LRIT2: variants seen among roughly 807,000 people sequenced by gnomAD.
LRIT2 encodes leucine-rich repeat, immunoglobulin-like domain and transmembrane domain-containing protein 2.
In LRIT2, 23 loss-of-function variants were observed where a neutral mutation model predicts 22.4. The observed-to-expected ratio is 1.03, with a 90% CI of 0.74 to 1.45. The LOEUF (loss-of-function observed/expected upper bound fraction) is 1.45, where lower values mean the gene tolerates loss of function less well. Ranked by LOEUF, LRIT2 falls within the 40% of genes most tolerant of loss-of-function variation. LRIT2 has a pLI of 0.00. For missense variants in LRIT2, 784 were observed against 665.6 expected (o/e 1.18, Z -1.96); for synonymous variants, 291 against 267.1 (o/e 1.09, Z -0.87).
At chr10:84,222,855 A>G (rs138045389) in intron 2 of LRIT2, 175 bp from the exon 3 acceptor site, 1 of 732,770 alleles carries the variant, frequency 1.4e-6, no homozygotes, top group Non-Finnish European at 2.4e-6. Flanking sequence ...CCTCCCAGCA[A>G]TCCTGTAAGA....
chr10:84,225,192 A>G (rs1468190631), intron 1 of LRIT2, 78 bp from the exon 2 acceptor site: 3 of 1,343,982 alleles, frequency 2.2e-6, no homozygotes, highest in Non-Finnish European at 3.1e-6. Flanking sequence ...CTGGCATTAG[A>G]CATGTGAATC....
Position 84,224,644 on chromosome 10 carries a change from AC to A in LRIT2, c.580del (p.Val194TrpfsTer15), listed in dbSNP as rs1177991755. On this transcript the variant is annotated frameshift_variant, in exon 2 of 3. Transcript: ENST00000372113. LOFTEE classifies it high-confidence loss of function. The part of the protein sequence containing the change: ...DCGAEILSSL[V>X]VALHDNPWVC... ...CCAGGGGTTGTCATGCAGGGCCACC[AC>A]CAGGCTGGAGAGAATCTCAGCCCCA... is the stretch of plus-strand genomic sequence containing the variant. 2 of 1,614,148 alleles carry A rather than the reference AC, an allele frequency of 1.2e-6. No individual in the cohort carries two copies. The highest frequency in any genetic ancestry group is 1.7e-6 in the Non-Finnish European group (2 of 1,180,002).
chr10:84,223,348 A>G (rs1348895018), intron 2 of LRIT2, among the ~76,000 whole-genome samples: 1 of 152,126 alleles, frequency 6.6e-6, no homozygotes, highest in African/African-American at 2.4e-5. Flanking sequence ...TGATTATAGA[A>G]CACCACGAAA....
chr10:84,224,599 C>T lies in LRIT2; in HGVS notation c.626G>A (p.Arg209Lys). 6.2e-7 allele frequency: 1 copy of T among 1,613,746 alleles called. No homozygotes were observed. ...GGACTTGACAAACTGGACAAGCCCC[C>T]TTAGGCGACAGTCACATACCCAGGG... ...DNPWVCDCRLRGLVQFVKSIT... is the reference protein window; with the variant it reads ...DNPWVCDCRLKGLVQFVKSIT... Residue 209 changes from arginine to lysine, a missense_variant, in exon 2 of 3, where the codon AGG becomes AAG. Physicochemically the swap from Arg to Lys is conservative, Grantham distance 26. Coordinates refer to ENST00000372113, the MANE Select transcript of LRIT2 (RefSeq NM_001017924.5).
chr10:84,223,284 A>C (rs1564671848), intron 2 of LRIT2, among the ~76,000 whole-genome samples: 1 of 152,156 alleles, frequency 6.6e-6, no homozygotes, highest in Non-Finnish European at 1.5e-5. Flanking sequence ...TTTGAAAGTA[A>C]GTGTTCAATG....
rs1478846078 is a variant in LRIT2 at position 84,221,891 on chromosome 10, A to T, written c.*29T>A. ...GTTGGTTTCAGAGGCTTGAAGCCCA[A>T]GCCGTTTCCACCCCATGGCCTGGGT... On this transcript the variant is annotated 3_prime_UTR_variant, in exon 3 of 3. Coordinates refer to ENST00000372113, the MANE Select transcript of LRIT2 (RefSeq NM_001017924.5). The T allele has an allele frequency of 2.0e-6, 3 of 1,509,792 alleles. No individual in the cohort carries two copies. Among genetic ancestry groups the T allele is most frequent in the African/African-American group, 1.4e-5 (1 of 71,534 alleles). 93.5% of individuals were successfully genotyped at this position (1,509,792 alleles called of 1,614,324 possible). A position where few individuals can be genotyped will look rare whatever the true frequency, so the allele number is the denominator to read the frequency against.
Position 84,224,847 on chromosome 10 carries a change from G to A in LRIT2, c.378C>T (p.Thr126=). The change falls in exon 2 of 3, where the codon ACC becomes ACT. Residue 126 remains threonine (T), a synonymous_variant. Coordinates refer to ENST00000372113, the MANE Select transcript of LRIT2 (RefSeq NM_001017924.5). Reference sequence around the variant, plus strand: ...TGAGATCCAAGACCCTCAGGAGAGGGGTGGCACGGAACGCTGTCCATGGTA... The same window carrying A: ...TGAGATCCAAGACCCTCAGGAGAGGAGTGGCACGGAACGCTGTCCATGGTA... ...CSVPWTAFRA[T]PLLRVLDLKR... The A allele has an allele frequency of 6.2e-7, 1 of 1,614,112 alleles. No individual in the cohort carries two copies. The highest frequency in any genetic ancestry group is 8.5e-7 in the Non-Finnish European group (1 of 1,180,030).
chr10:84,224,318 G>GTGCA lies in LRIT2; in HGVS notation c.892+11_892+14dup. 6.2e-7 allele frequency: 1 copy of GTGCA among 1,601,128 alleles called. No homozygotes were observed. Among genetic ancestry groups the GTGCA allele is most frequent in the South Asian group, 1.1e-5 (1 of 88,904 alleles). On this transcript the variant is annotated intron_variant, in intron 2 of 2. Transcript: ENST00000372113. ...CATTCCCTCCAGATACACTGAGAGG[G>GTGCA]TGCATGTGGCTTACCATCAAATTCT...
rs1305048021 is a variant in LRIT2 at position 84,225,132 on chromosome 10, A to G, written c.111-18T>C. ...GCAGAGTCCTGTACAAGAAACCAGA[A>G]CAGCTTTAAGATAAACAACAGGGGA... is the stretch of plus-strand genomic sequence containing the variant. On this transcript the variant is annotated intron_variant, in intron 1 of 2. Coordinates refer to ENST00000372113, the MANE Select transcript of LRIT2 (RefSeq NM_001017924.5). The G allele has an allele frequency of 3.8e-6, 6 of 1,586,720 alleles. No homozygotes were observed. Among genetic ancestry groups the G allele is most frequent in the African/African-American group, 1.4e-5 (1 of 73,870 alleles).
Position 84,224,770 on chromosome 10 carries a change from C to T in LRIT2, c.455G>A (p.Ser152Asn), listed in dbSNP as rs1435336308. 6.2e-7 allele frequency: 1 copy of T among 1,614,144 alleles called. No individual in the cohort carries two copies. Among genetic ancestry groups the T allele is most frequent in the East Asian group, 2.2e-5 (1 of 44,878 alleles). The part of the protein sequence containing the change: ...LPELALQFLV[S>N]LTYLDLSSNR... Reference sequence around the variant, plus strand: ...GGAGGATAGGTCAAGGTAGGTCAGGCTGACCAAGAATTGAAGAGCCAGCTC... The same window carrying T: ...GGAGGATAGGTCAAGGTAGGTCAGGTTGACCAAGAATTGAAGAGCCAGCTC... The change falls in exon 2 of 3, where the codon AGC becomes AAC. Residue 152 changes from serine (S) to asparagine (N), a missense_variant. By Grantham distance (46) the Ser-to-Asn change is conservative. Transcript: ENST00000372113.
chr10:84,221,501 T>G lies in LRIT2; in HGVS notation c.*419A>C, dbSNP rs1338987859. On this transcript the variant is annotated 3_prime_UTR_variant, in exon 3 of 3. Transcript: ENST00000372113. The stretch of plus-strand genomic sequence containing the variant: ...GTGGACTCTGGGTGTATCATTGAAC[T>G]GTCCAGGCTGCAGTTTTTCACCTAT... 1 of 153,336 alleles carries G rather than the reference T, an allele frequency of 6.5e-6. No homozygotes were observed. The highest frequency in any genetic ancestry group is 1.5e-5 in the Non-Finnish European group (1 of 68,890). The allele number at this position is 153,336 out of a possible 1,614,324, so 9.5% of individuals were successfully genotyped here.
In LRIT2 at chr10:84,224,955, A is replaced by G. The variant is rs1361534191; in HGVS notation, c.270T>C (p.Asn90=). The change falls in exon 2 of 3, where the codon AAT becomes AAC. Residue 90 remains asparagine, a synonymous_variant. Transcript: ENST00000372113. ...TLEYLWLNFN[N]ISVIHLGALE... ...GGGCTCCTAGGTGGATCACACTGAT[A>G]TTGTTAAAATTGAGCCAGAGGTATT... 2.5e-6 allele frequency: 4 copies of G among 1,614,106 alleles called. No individual in the cohort carries two copies. The Admixed American group carries it at 5.0e-5, about 20-fold the overall frequency.
In LRIT2 at chr10:84,222,204, G is replaced by T. The variant is rs1325940515; in HGVS notation, c.1369C>A (p.Leu457Ile). The change falls in exon 3 of 3, where the codon CTA (leucine) becomes ATA (isoleucine). Residue 457 changes from leucine to isoleucine, a missense_variant. Leu to Ile is a conservative substitution (Grantham distance 5). Transcript: ENST00000372113. ...AFVTGRDAGG[L>I]EAREHLLHVT... The stretch of plus-strand genomic sequence containing the variant: ...TGCAGGAGGTGCTCACGTGCCTCTA[G>T]CCCACCAGCATCTCTGCCTGTTACA... 1 of 1,614,202 alleles carries T rather than the reference G, an allele frequency of 6.2e-7. No homozygotes were observed. The highest frequency in any genetic ancestry group is 1.1e-5 in the South Asian group (1 of 91,088).
chr10:84,221,866 G>A lies in LRIT2; in HGVS notation c.*54C>T, dbSNP rs1842508557. 2.7e-6 allele frequency: 4 copies of A among 1,488,308 alleles called. No homozygotes were observed. The South Asian group carries it at 5.6e-5, about 21-fold the overall frequency. The allele number at this position is 1,488,308 out of a possible 1,614,324, so 92.2% of individuals were successfully genotyped here. On this transcript the variant is annotated 3_prime_UTR_variant, in exon 3 of 3. Coordinates refer to ENST00000372113, the MANE Select transcript of LRIT2 (RefSeq NM_001017924.5). ...TAAATGGATGGAGCTGCTGCAGAGG[G>A]TTGGTTTCAGAGGCTTGAAGCCCAA...
chr10:84,222,138 C>G lies in LRIT2; in HGVS notation c.1435G>C (p.Val479Leu). 6.2e-7 allele frequency: 1 copy of G among 1,610,018 alleles called. No individual in the cohort carries two copies. The highest frequency in any genetic ancestry group is 8.5e-7 in the Non-Finnish European group (1 of 1,176,874). The change falls in exon 3 of 3, where the codon GTG becomes CTG. Residue 479 changes from valine to leucine, a missense_variant. Val to Leu is a conservative substitution (Grantham distance 32). Transcript: ENST00000372113. ...VLCVVLLAVP[V>L]GAYAWAAQGP... ...TGGGCTGCCCAGGCATAGGCGCCCA[C>G]AGGCACTGCAAGCAGCACCACACAC...
In LRIT2 at chr10:84,225,273, A is replaced by G. The variant is rs146606240; in HGVS notation, c.110+138T>C. 395 of 1,238,684 alleles carry G rather than the reference A, an allele frequency of 3.2e-4. 3 individuals are homozygous for G. In the East Asian group the frequency reaches 8.3e-3, roughly 26 times the overall value. The allele number at this position is 1,238,684 out of a possible 1,614,324, so 76.7% of individuals were successfully genotyped here. On this transcript the variant is annotated intron_variant, in intron 1 of 2. Coordinates refer to ENST00000372113, the MANE Select transcript of LRIT2 (RefSeq NM_001017924.5). ...TTTTGGTAAAAATGCACAGTTCAGC[A>G]AAGTTCAGTCCCAACTAGAATGAGT...
chr10:84,222,159 CA>C lies in LRIT2; in HGVS notation c.1413del (p.Cys471TrpfsTer65). 1.2e-6 allele frequency: 2 copies of C among 1,613,838 alleles called. No homozygotes were observed. The highest frequency in any genetic ancestry group is 1.7e-6 in the Non-Finnish European group (2 of 1,179,840). ...EHLLHVTVVL[C>X]VVLLAVPVGA... ...CCCACAGGCACTGCAAGCAGCACCA[CA>C]CACAGGACCACTGTGACATGCAGGA... On this transcript the variant is annotated frameshift_variant, in exon 3 of 3. Transcript: ENST00000372113. LOFTEE classifies it low-confidence loss of function (END_TRUNC).
chr10:84,222,745 A>G, intron 2 of LRIT2, 65 bp from the exon 3 acceptor site: 2 of 1,580,416 alleles, frequency 1.3e-6, no homozygotes, highest in Non-Finnish European at 1.7e-6. Flanking sequence ...AGTGTCTAGC[A>G]ATGCCAGTTT....
In LRIT2 at chr10:84,221,596, T is replaced by C; in HGVS notation, c.*324A>G. The C allele has an allele frequency of 1.0e-5, 2 of 200,268 alleles. No individual in the cohort carries two copies. The highest frequency in any genetic ancestry group is 2.0e-5 in the Non-Finnish European group (2 of 99,006). 12.4% of individuals were successfully genotyped at this position (200,268 alleles called of 1,614,324 possible). On this transcript the variant is annotated 3_prime_UTR_variant, in exon 3 of 3. Transcript: ENST00000372113. ...TAAAATATTATACGTAGACATTACG[T>C]ATAAGCATGTAAATGTTATAGGCTA...
Sources: allele counts gnomAD v4.1 joint callset (sites outside exome capture counted in the v4.1 genomes callset), GRCh38; gene constraint gnomAD v4.1.1; transcripts MANE v1.5; gene names NCBI Gene and HGNC (gene_info 2026-07-23, HGNC 2026-07-21).